LYRM4: variants seen among roughly 807,000 people sequenced by gnomAD.
LYRM4 encodes LYR motif-containing protein 4.
LYRM4 carries 9 observed loss-of-function variants against 11.7 expected under a neutral mutation model. The ratio of observed to expected loss-of-function variants is 0.77; its 90% CI spans 0.46 to 1.34. The LOEUF (loss-of-function observed/expected upper bound fraction) is 1.34. LYRM4 is among the 40% of genes most tolerant of loss of function. LYRM4 has a pLI of 0.00. For synonymous variants in LYRM4, 42 were observed against 40.4 expected (o/e 1.04, Z -0.15); for missense variants, 133 against 112.5 (o/e 1.18, Z -0.82).
At chr6:5,188,848 T>C (rs889828168) in intron 2 of LYRM4, among the ~76,000 whole-genome samples, 4 of 152,174 alleles carry the variant, frequency 2.6e-5, no homozygotes, top group African/African-American at 9.7e-5. Flanking sequence ...ACTGCAGCCT[T>C]GACCTTTGGG....
At chr6:5,082,542 C>T in the LYRM4 span, among the ~76,000 whole-genome samples, 2 of 152,188 alleles carry the variant, frequency 1.3e-5, no homozygotes, top group Non-Finnish European at 2.9e-5. Flanking sequence ...TTGATTTTCA[C>T]TCCTAAATAG....
At chr6:5,186,573 T>C (rs953597641) in intron 2 of LYRM4, 1 of 976,552 alleles carries the variant, frequency 1.0e-6, no homozygotes, top group African/African-American at 1.8e-5. Context: ...AACTAAACAT[T>C]TAAAAAATCT....
At chr6:5,148,580 G>A (rs775305306) in intron 2 of LYRM4, among the ~76,000 whole-genome samples, 11 of 65,274 alleles carry the variant, frequency 1.7e-4, no homozygotes, top group Non-Finnish European at 3.2e-4. Context: ...ACATGGATGA[G>A]AAAATGAGAA....
intron 2 of LYRM4, among the ~76,000 whole-genome samples, chr6:5,215,613 C>A (rs1762231182): frequency 6.6e-6 from 1 of 152,154 alleles, no homozygotes; most frequent in Non-Finnish European, 1.5e-5. Context: ...ACATAAACTG[C>A]AAATTATAGT....
chr6:5,188,334 TC>T (rs1760544960), intron 2 of LYRM4, among the ~76,000 whole-genome samples: 1 of 151,184 alleles, frequency 6.6e-6, no homozygotes, highest in Admixed American at 6.6e-5. Context: ...ACCACTGCAC[TC>T]CAGCCTAGGT....
intron 2 of LYRM4, among the ~76,000 whole-genome samples, chr6:5,112,586 G>C (rs2127594912): frequency 1.3e-5 from 2 of 152,350 alleles, no homozygotes; most frequent in South Asian, 4.1e-4. Flanking sequence ...CCTGCTCCAG[G>C]CACCTTGTGC....
chr6:5,227,621 A>G (rs1484235058), intron 1 of LYRM4, among the ~76,000 whole-genome samples: 1 of 152,180 alleles, frequency 6.6e-6, no homozygotes, highest in Non-Finnish European at 1.5e-5. Context: ...TGACCCAGCA[A>G]TCCCATTACT....
the LYRM4 span, among the ~76,000 whole-genome samples, chr6:5,049,671 CA>C: frequency 6.8e-6 from 1 of 146,400 alleles, no homozygotes; most frequent in African/African-American, 2.7e-5. Flanking sequence ...TGGGCAGTGT[CA>C]TTTTTTTTTT....
chr6:5,070,868 T>C, the LYRM4 span, among the ~76,000 whole-genome samples: 38,003 of 108,704 alleles, frequency 0.35, 6,022 homozygotes, highest in African/African-American at 0.46. Flanking sequence ...GACCCTGTCT[T>C]GAAAAAAAAA....
chr6:5,096,278 C>T, the LYRM4 span, among the ~76,000 whole-genome samples: 1 of 151,876 alleles, frequency 6.6e-6, no homozygotes, highest in African/African-American at 2.4e-5. Flanking sequence ...TTGCTTGAGG[C>T]CAGGAGTTTG....
intron 2 of LYRM4, among the ~76,000 whole-genome samples, chr6:5,174,929 T>C (rs903386573): frequency 1.1e-4 from 17 of 152,350 alleles, no homozygotes; most frequent in African/African-American, 3.8e-4. Context: ...CCTCAGCCAA[T>C]TCAGCTTAGA....
At chr6:5,068,590 G>C in the LYRM4 span, among the ~76,000 whole-genome samples, 19 of 152,102 alleles carry the variant, frequency 1.2e-4, no homozygotes, top group African/African-American at 4.6e-4. The surrounding 1 kb of genome is among the most constrained non-coding windows in gnomAD (Gnocchi z 4.0). Flanking sequence ...CTTCCAAATA[G>C]CACACCCAGG....
At chr6:5,132,773 AC>A (rs1205299522) in intron 2 of LYRM4, 2 of 152,204 alleles carry the variant, frequency 1.3e-5, no homozygotes, top group Non-Finnish European at 2.9e-5. Context: ...TTTTGAGTTT[AC>A]TCAGATTTAG....
chr6:5,131,337 A>T (rs570324925), intron 2 of LYRM4, among the ~76,000 whole-genome samples: 1 of 152,222 alleles, frequency 6.6e-6, no homozygotes, highest in East Asian at 1.9e-4. Flanking sequence ...AAAGGTAATC[A>T]CAGAGAATTT....
At chr6:5,074,499 G>C in the LYRM4 span, among the ~76,000 whole-genome samples, 1 of 148,764 alleles carries the variant, frequency 6.7e-6, no homozygotes, top group African/African-American at 2.5e-5. Flanking sequence ...AGTGGAAGAA[G>C]TCAATGCAGA....
intron 2 of LYRM4, among the ~76,000 whole-genome samples, chr6:5,201,320 C>T (rs899596721): frequency 6.6e-6 from 1 of 152,112 alleles, no homozygotes; most frequent in Admixed American, 6.5e-5. Flanking sequence ...TGCAAGTGCA[C>T]GGGCAGGCTC....
intron 2 of LYRM4, among the ~76,000 whole-genome samples, chr6:5,189,496 T>C (rs948436244): frequency 5.3e-5 from 8 of 152,212 alleles, no homozygotes; most frequent in African/African-American, 9.7e-5. Context: ...GAGTTTACGC[T>C]GCTCTAGCAC....
At chr6:5,210,700 A>G (rs1315378664) in intron 2 of LYRM4, among the ~76,000 whole-genome samples, 1 of 152,168 alleles carries the variant, frequency 6.6e-6, no homozygotes, top group African/African-American at 2.4e-5. Flanking sequence ...CCTGTTATTC[A>G]TCATTCTACT....
chr6:5,127,842 G>T (rs1189052177), intron 2 of LYRM4, among the ~76,000 whole-genome samples: 1 of 151,944 alleles, frequency 6.6e-6, no homozygotes, highest in African/African-American at 2.4e-5. Context: ...TATTTTTAGT[G>T]GGTTTTTTAA....
Sources: allele counts gnomAD v4.1 joint callset (sites outside exome capture counted in the v4.1 genomes callset), GRCh38; gene constraint gnomAD v4.1.1; non-coding constraint Gnocchi (gnomAD v3.1); transcripts MANE v1.5; gene names NCBI Gene and HGNC (gene_info 2026-07-23, HGNC 2026-07-21).